Variants in NRXN1 observed in about 807,000 individuals in gnomAD.
NRXN1 encodes neurexin 1, also known as neurexin-1.
In NRXN1, 39 loss-of-function variants were observed where a neutral mutation model predicts 150.9. The ratio of observed to expected loss-of-function variants is 0.26; its 90% confidence interval spans 0.20 to 0.34. The LOEUF (loss-of-function observed/expected upper bound fraction) is 0.34. NRXN1 is among the 10% of genes least tolerant of loss of function. The pLI, the probability that NRXN1 is intolerant of heterozygous loss-of-function variation, is 1.00. For missense variants in NRXN1, 1,815 were observed against 1,949.9 expected (o/e 0.93, Z 1.30); for synonymous variants, 924 against 757.0 (o/e 1.22, Z -3.62).
At chr2:50,307,818 G>C (rs1395892742) in intron 17 of NRXN1, among the ~76,000 whole-genome samples, 1 of 151,940 alleles carries the variant, frequency 6.6e-6, no homozygotes, top group Non-Finnish European at 1.5e-5. Flanking sequence ...CCAAAGCTCT[G>C]GAATAGTTGT....
At chr2:50,410,574 C>T (rs1476398957) in intron 17 of NRXN1, among the ~76,000 whole-genome samples, 1 of 152,002 alleles carries the variant, frequency 6.6e-6, no homozygotes, top group Non-Finnish European at 1.5e-5. Flanking sequence ...AGTGTGTAAT[C>T]AGTAAAATGA....
chr2:50,310,039 T>A (rs1255686565), intron 17 of NRXN1, among the ~76,000 whole-genome samples: 4 of 152,130 alleles, frequency 2.6e-5, no homozygotes, highest in Non-Finnish European at 5.9e-5. Context: ...TGTGCACTAA[T>A]AGACAGCAAA....
At chr2:50,050,039 T>C (rs1692446804) in intron 21 of NRXN1, among the ~76,000 whole-genome samples, 1 of 151,964 alleles carries the variant, frequency 6.6e-6, no homozygotes, top group Admixed American at 6.6e-5. Context: ...TATATTCACA[T>C]TAAAAAGGAA....
chr2:50,981,194 C>A (rs1422413327), intron 2 of NRXN1, among the ~76,000 whole-genome samples: 1 of 151,940 alleles, frequency 6.6e-6, no homozygotes, highest in Non-Finnish European at 1.5e-5. Flanking sequence ...TAGTGGCTCA[C>A]ATCCGTAATC....
At chr2:50,873,618 C>A (rs1029445157) in intron 5 of NRXN1, among the ~76,000 whole-genome samples, 7 of 151,742 alleles carry the variant, frequency 4.6e-5, no homozygotes, top group Middle Eastern at 3.2e-3. Context: ...CTTTAGAGAA[C>A]TTGAAAAAAT....
At chr2:50,012,641 G>A (rs1459749062) in intron 21 of NRXN1, among the ~76,000 whole-genome samples, 1 of 152,034 alleles carries the variant, frequency 6.6e-6, no homozygotes, top group Non-Finnish European at 1.5e-5. Flanking sequence ...TATGGCTCTT[G>A]CCATAACAGT....
At chr2:50,656,240 C>A in intron 5 of NRXN1, 1 of 589,178 alleles carries the variant, frequency 1.7e-6, no homozygotes, top group Non-Finnish European at 3.1e-6. Context: ...AACTTAAAGT[C>A]TAATCATGCC....
intron 8 of NRXN1, among the ~76,000 whole-genome samples, chr2:50,588,045 G>T (rs1158650812): frequency 3.3e-5 from 5 of 152,128 alleles, no homozygotes; most frequent in Admixed American, 2.6e-4. Context: ...TTAGCTAAAT[G>T]CTTGCTAGCA....
chr2:50,098,271 CT>C (rs1700499095), intron 18 of NRXN1, among the ~76,000 whole-genome samples: 1 of 152,110 alleles, frequency 6.6e-6, no homozygotes, highest in African/African-American at 2.4e-5. Context: ...TTTTCTGCTC[CT>C]GGGAAAACTT....
intron 17 of NRXN1, among the ~76,000 whole-genome samples, chr2:50,370,710 AAAG>A (rs1444816202): frequency 1.3e-5 from 2 of 152,020 alleles, no homozygotes; most frequent in Non-Finnish European, 2.9e-5. Flanking sequence ...AGGAACAGAA[AAAG>A]AAGATGAATT....
At chr2:50,419,524 A>G (rs1274811632) in intron 17 of NRXN1, among the ~76,000 whole-genome samples, 4 of 151,970 alleles carry the variant, frequency 2.6e-5, no homozygotes, top group African/African-American at 7.2e-5. Context: ...AATTTTGGGT[A>G]TTCTTTTGCA....
chr2:51,021,084 CAA>C (rs1423071527), intron 2 of NRXN1, among the ~76,000 whole-genome samples: 1 of 151,642 alleles, frequency 6.6e-6, no homozygotes, highest in Non-Finnish European at 1.5e-5. Context: ...AACTGGGCCA[CAA>C]AATTATAGAG....
rs2073670230 is a variant in NRXN1, at chr2:50,297,059, A to AT, written c.3365-60090dup. On this transcript the variant is annotated intron_variant, in intron 17 of 22. Transcript: ENST00000401669. ...CACCACACCCAGCTAATTATTTTGTATTTTTATTTTTTAGTAGAGATGGGT... is the reference window on the plus strand; with the variant it reads ...CACCACACCCAGCTAATTATTTTGTATTTTTTATTTTTTAGTAGAGATGGGT... Among the ~76,000 whole-genome samples, 6 of 83,764 alleles carry AT rather than the reference A, an allele frequency of 7.2e-5. No homozygotes were observed. In the South Asian group the frequency reaches 2.6e-3, roughly 36 times the overall value. The allele number at this position is 83,764 out of a possible 152,430, so 55.0% of individuals were successfully genotyped here. A position where few individuals can be genotyped will look rare whatever the true frequency, so the allele number is the denominator to read the frequency against.
chr2:50,874,755 C>T lies in NRXN1; in HGVS notation c.832+47114G>A, dbSNP rs541415215. Among the ~76,000 whole-genome samples, 16 of 151,906 alleles carry T rather than the reference C, an allele frequency of 1.1e-4. No homozygotes were observed. The South Asian group carries it at 3.3e-3, about 32-fold the overall frequency. On this transcript the variant is annotated intron_variant, in intron 5 of 22. Transcript: ENST00000401669. ...GAATCTCATTTCATTTCCTGTGGGG[C>T]CCTCCCAGGCCTACCATTAATACTC... is the stretch of plus-strand genomic sequence containing the variant.
intron 16 of NRXN1, among the ~76,000 whole-genome samples, chr2:50,472,048 G>A (rs1338372546): frequency 8.0e-5 from 8 of 100,234 alleles, no homozygotes; most frequent in East Asian, 2.7e-4. Flanking sequence ...AAAAACAAAA[G>A]CAAAAACAGG....
At chr2:50,574,695 A>T (rs1409939606) in intron 8 of NRXN1, among the ~76,000 whole-genome samples, 1 of 152,198 alleles carries the variant, frequency 6.6e-6, no homozygotes, top group Non-Finnish European at 1.5e-5. Context: ...TACTAAATTA[A>T]TTATTCCCCT....
chr2:50,962,162 A>G (rs1358221676), intron 2 of NRXN1, among the ~76,000 whole-genome samples: 1 of 151,794 alleles, frequency 6.6e-6, no homozygotes, highest in Non-Finnish European at 1.5e-5. Context: ...CCATACTTGC[A>G]TAAATAACAA....
intron 17 of NRXN1, among the ~76,000 whole-genome samples, chr2:50,314,667 A>T (rs1575050922): frequency 1.3e-5 from 2 of 152,058 alleles, no homozygotes; most frequent in East Asian, 3.9e-4. Flanking sequence ...GTTTAGTAGC[A>T]TTGAAGTGCA....
intron 18 of NRXN1, among the ~76,000 whole-genome samples, chr2:50,183,473 T>G (rs2060868519): frequency 6.6e-6 from 1 of 151,922 alleles, no homozygotes; most frequent in Non-Finnish European, 1.5e-5. Flanking sequence ...TTACTTTTAT[T>G]TATCAAAAAA....
Sources: gnomAD v4.1 joint callset for allele counts (sites outside exome capture counted in the v4.1 genomes callset) on GRCh38, gnomAD v4.1.1 for gene constraint, MANE v1.5 for transcripts, NCBI Gene and HGNC (gene_info 2026-07-23, HGNC 2026-07-21) for gene names.